TASP1: variants seen among roughly 807,000 people sequenced by gnomAD.
The protein encoded by TASP1 is taspase 1, also known as threonine aspartase 1.
A neutral mutation model predicts 56.6 loss-of-function variants in TASP1; 16 were observed. That is an observed-to-expected ratio of 0.28 (90% CI 0.19 to 0.43). The LOEUF is 0.43. Ranked by LOEUF, TASP1 falls within the 20% of genes least tolerant of loss-of-function variation. The pLI, the probability that TASP1 is intolerant of heterozygous loss-of-function variation, is 1.00. For missense variants in TASP1, 393 were observed against 511.6 expected (o/e 0.77, Z 2.24); for synonymous variants, 179 against 184.2 (o/e 0.97, Z 0.23).
In TASP1 at chr20:13,390,419, C is replaced by T; in HGVS notation, c.1204G>A (p.Ala402Thr). The change falls in exon 14 of 14, where the codon GCA becomes ACA. Residue 402 changes from alanine to threonine, a missense_variant. Transcript: ENST00000337743. ...HISRLPPGAVAGQSVAIEGGV... is the reference protein window; with the variant it reads ...HISRLPPGAVTGQSVAIEGGV... ...CCTTCGATTGCCACAGACTGTCCTG[C>T]CACCGCACCAGGAGGAAGTCTTGAA... The T allele has an allele frequency of 6.2e-7, 1 of 1,613,916 alleles. No homozygotes were observed. The highest frequency in any genetic ancestry group is 8.5e-7 in the Non-Finnish European group (1 of 1,179,908).
At chr20:13,256,863 G>A in the TASP1 span, among the ~76,000 whole-genome samples, 2 of 152,266 alleles carry the variant, frequency 1.3e-5, no homozygotes, top group Non-Finnish European at 2.9e-5. Flanking sequence ...GAAGTGATAC[G>A]TAAAAGTGTT....
chr20:13,453,271 T>C (rs1307811135), intron 11 of TASP1, among the ~76,000 whole-genome samples: 1 of 152,044 alleles, frequency 6.6e-6, no homozygotes, highest in Non-Finnish European at 1.5e-5. Context: ...GAAACAGACC[T>C]GAGGGATCTT....
At chr20:13,288,474 G>C in the TASP1 span, 2 of 1,532,328 alleles carry the variant, frequency 1.3e-6, no homozygotes, top group Non-Finnish European at 1.8e-6. Flanking sequence ...TTGACAGGCT[G>C]CTTGATGGGG....
chr20:13,587,197 A>G, intron 5 of TASP1, 53 bp downstream of exon 5: 1 of 1,558,166 alleles, frequency 6.4e-7, no homozygotes, highest in Non-Finnish European at 8.6e-7. Context: ...AGAAGGCATG[A>G]AATGGTCACG....
the TASP1 span, among the ~76,000 whole-genome samples, chr20:13,138,881 T>G: frequency 6.6e-6 from 1 of 151,598 alleles, no homozygotes; most frequent in East Asian, 1.9e-4. Context: ...AAAAATGGAG[T>G]TTTTCCTTTA....
the TASP1 span, among the ~76,000 whole-genome samples, chr20:13,301,568 T>C: frequency 6.6e-6 from 1 of 152,210 alleles, no homozygotes; most frequent in Non-Finnish European, 1.5e-5. Context: ...GATCTGTGTC[T>C]AATCACGGAA....
chr20:13,547,909 C>G (rs73268937), intron 8 of TASP1, among the ~76,000 whole-genome samples: 72 of 152,272 alleles, frequency 4.7e-4, no homozygotes, highest in African/African-American at 1.6e-3. Context: ...CCTGGAACCT[C>G]ATTCTACTGG....
chr20:13,377,955 CT>C, the TASP1 span, among the ~76,000 whole-genome samples: 1 of 151,764 alleles, frequency 6.6e-6, no homozygotes, highest in African/African-American at 2.4e-5. Context: ...CTATTTGATT[CT>C]TCTCTCTTTT....
At chr20:13,344,065 A>T in the TASP1 span, among the ~76,000 whole-genome samples, 1 of 151,918 alleles carries the variant, frequency 6.6e-6, no homozygotes, top group Non-Finnish European at 1.5e-5. Context: ...CTCCACCCAG[A>T]CCGATTCCAT....
chr20:13,150,947 C>G, the TASP1 span, among the ~76,000 whole-genome samples: 1 of 152,164 alleles, frequency 6.6e-6, no homozygotes, highest in Admixed American at 6.5e-5. Context: ...CTCTTATGAG[C>G]TCTCATAACA....
chr20:13,332,378 C>A, the TASP1 span, among the ~76,000 whole-genome samples: 1 of 152,110 alleles, frequency 6.6e-6, no homozygotes, highest in African/African-American at 2.4e-5. Flanking sequence ...TGTTTATTTG[C>A]TATTTAATGT....
chr20:13,216,087 T>C, the TASP1 span, among the ~76,000 whole-genome samples: 10 of 152,340 alleles, frequency 6.6e-5, no homozygotes, highest in African/African-American at 2.4e-4. Context: ...ATTGAATAGA[T>C]ATTTATGGAG....
chr20:13,233,266 T>C, the TASP1 span, among the ~76,000 whole-genome samples: 1 of 152,048 alleles, frequency 6.6e-6, no homozygotes, highest in Non-Finnish European at 1.5e-5. Context: ...TTGCTGGGAA[T>C]CTTCAAATTT....
the TASP1 span, among the ~76,000 whole-genome samples, chr20:13,238,469 T>C: frequency 6.6e-6 from 1 of 152,150 alleles, no homozygotes; most frequent in Admixed American, 6.5e-5. Context: ...TGGGGCCAAA[T>C]TAAACTCCTG....
At chr20:13,204,666 A>G in the TASP1 span, among the ~76,000 whole-genome samples, 1 of 152,064 alleles carries the variant, frequency 6.6e-6, no homozygotes, top group Non-Finnish European at 1.5e-5. Flanking sequence ...CAGCCTCCCA[A>G]GTAGCTGGGA....
intron 13 of TASP1, among the ~76,000 whole-genome samples, chr20:13,412,035 C>A (rs936278513): frequency 1.3e-5 from 2 of 152,162 alleles, no homozygotes; most frequent in Non-Finnish European, 2.9e-5. Flanking sequence ...CTTGCTATGC[C>A]TCTAGTCTTT....
intron 4 of TASP1, among the ~76,000 whole-genome samples, chr20:13,622,949 A>G (rs1216107177): frequency 1.3e-5 from 2 of 152,234 alleles, no homozygotes; most frequent in South Asian, 2.1e-4. Flanking sequence ...TCCCCACTCA[A>G]TTATTCGATG....
At chr20:13,202,387 G>C in the TASP1 span, among the ~76,000 whole-genome samples, 1 of 152,264 alleles carries the variant, frequency 6.6e-6, no homozygotes, top group South Asian at 2.1e-4. Flanking sequence ...TAAGTTTTGA[G>C]TATTACTTTT....
the TASP1 span, among the ~76,000 whole-genome samples, chr20:13,106,567 A>T: frequency 1.3e-5 from 2 of 152,200 alleles, no homozygotes; most frequent in Non-Finnish European, 2.9e-5. Context: ...ATGTTGACAA[A>T]CTATGTCAGA....
Sources: gnomAD v4.1 joint callset for allele counts (sites outside exome capture counted in the v4.1 genomes callset) on GRCh38, gnomAD v4.1.1 for gene constraint, MANE v1.5 for transcripts, NCBI Gene and HGNC (gene_info 2026-07-23, HGNC 2026-07-21) for gene names.